TTC9B: variants seen among roughly 807,000 people sequenced by gnomAD.
TTC9B encodes the protein tetratricopeptide repeat domain 9B.
TTC9B carries 12 observed loss-of-function variants against 19.4 expected under a neutral mutation model. The ratio of observed to expected loss-of-function variants is 0.62; its 90% confidence interval spans 0.40 to 1.00. The LOEUF (loss-of-function observed/expected upper bound fraction) is 1.00. TTC9B is among the 50% of genes least tolerant of loss of function. The pLI, the probability that TTC9B is intolerant of heterozygous loss-of-function variation, is 0.00. For missense variants in TTC9B, 316 were observed against 345.2 expected, an observed-to-expected ratio of 0.92 and a Z score of 0.67; for synonymous variants, 156 against 158.6, an observed-to-expected ratio of 0.98 and a Z score of 0.12.
chr19:40,217,155 A>G (rs1385465479), intron 2 of TTC9B, 32 bp downstream of exon 2: 2 of 1,591,066 alleles, frequency 1.3e-6, no homozygotes, highest in East Asian at 4.5e-5. Context: ...CCCTGGGCCC[A>G]GCCCTCACCT....
In TTC9B at chr19:40,216,782, G is replaced by C. The variant is rs1049660130; in HGVS notation, c.610+405C>G. The C allele has an allele frequency of 1.4e-5, 5 of 348,256 alleles. No individual in the cohort carries two copies. The Admixed American group carries it at 2.1e-4, about 15-fold the overall frequency. 21.6% of individuals were successfully genotyped at this position (348,256 alleles called of 1,614,324 possible). A position where few individuals can be genotyped will look rare whatever the true frequency, so the allele number is the denominator to read the frequency against. ...CCGAGTGGATGAGTGGATGGTGCAG[G>C]AAGTGAATGAATAGGTGTGCGTGAA... On this transcript the variant is annotated intron_variant, in intron 2 of 2. Transcript: ENST00000311308.
At position 40,216,132 on chromosome 19, in the gene TTC9B, C is replaced by T. The variant is rs376081192; in HGVS notation, c.*31G>A. On this transcript the variant is annotated 3_prime_UTR_variant, in exon 3 of 3. Coordinates refer to ENST00000311308, the MANE Select transcript of TTC9B (RefSeq NM_152479.6). ...GAAGTTACATGGTGAGGTGGGAGGGCGAGGGATAGAGAGGTCCCCCTGGAT... is the reference window on the plus strand; with the variant it reads ...GAAGTTACATGGTGAGGTGGGAGGGTGAGGGATAGAGAGGTCCCCCTGGAT... The T allele has an allele frequency of 2.2e-5, 34 of 1,567,830 alleles. No individual in the cohort carries two copies. Among genetic ancestry groups the T allele is most frequent in the Non-Finnish European group, 2.9e-5 (33 of 1,138,206 alleles).
intron 1 of TTC9B, 68 bp downstream of exon 1, chr19:40,217,887 C>G: frequency 7.4e-7 from 1 of 1,354,962 alleles, no homozygotes; most frequent in Non-Finnish European, 9.7e-7. Flanking sequence ...CCCTGGCCCC[C>G]AAGTCGCCAA....
rs2145107911 is a variant in TTC9B at position 40,217,389 on chromosome 19, G to A, written c.428-20C>T. The A allele has an allele frequency of 6.2e-7, 1 of 1,606,242 alleles. No homozygotes were observed. Reference sequence around the variant, plus strand: ...GGCAAGCTGCGAGGGCCCCGCGGCCGGCACTCTCAGAGCCTGCTGGCACCC... The same window carrying A: ...GGCAAGCTGCGAGGGCCCCGCGGCCAGCACTCTCAGAGCCTGCTGGCACCC... On this transcript the variant is annotated intron_variant, in intron 1 of 2. Transcript: ENST00000311308.
At chr19:40,217,689 G>A (rs1440115506) in intron 1 of TTC9B, 9 of 509,538 alleles carry the variant, frequency 1.8e-5, no homozygotes, top group Non-Finnish European at 2.7e-5. Context: ...GTCCACGTGC[G>A]GCCAGGGGGT....
chr19:40,217,418 GA>G, intron 1 of TTC9B, 49 bp from the exon 2 acceptor site: 1 of 1,580,602 alleles, frequency 6.3e-7, no homozygotes, highest in Non-Finnish European at 8.6e-7. Context: ...GGCACCCCCA[GA>G]ACCCACCTGA....
chr19:40,217,912 C>G, intron 1 of TTC9B, 43 bp downstream of exon 1: 1 of 1,329,590 alleles, frequency 7.5e-7, no homozygotes, highest in Non-Finnish European at 9.9e-7. Flanking sequence ...TCCCGATTGC[C>G]CCCTCCCCTC....
rs987847540 is a variant in TTC9B at position 40,218,361 on chromosome 19, G to C, written c.21C>G (p.Ser7=). 3.0e-6 allele frequency: 4 copies of C among 1,341,532 alleles called. No individual in the cohort carries two copies. Among genetic ancestry groups the C allele is most frequent in the South Asian group, 1.9e-5 (1 of 52,048 alleles). The allele number at this position is 1,341,532 out of a possible 1,614,324, so 83.1% of individuals were successfully genotyped here. The change falls in exon 1 of 3, where the codon TCC becomes TCG. Residue 7 remains serine (S), a synonymous_variant. Coordinates refer to ENST00000311308, the MANE Select transcript of TTC9B (RefSeq NM_152479.6). This position sits in a 1 kb window ranked among gnomAD's most constrained non-coding sequence, Gnocchi z 4.2. ...GGGCAGCGCTGAGCATCAGCACCGG[G>C]GACAGCGCGCCGCGCTGCATTGTGG... The part of the protein sequence containing the change: MQRGAL[S]PVLMLSAAPE...
intron 1 of TTC9B, chr19:40,217,656 C>G (rs940132786): frequency 1.9e-6 from 1 of 529,678 alleles, no homozygotes; most frequent in Non-Finnish European, 3.3e-6. Flanking sequence ...GAGCCTGGCT[C>G]AGGGCAGACT....
chr19:40,217,756 C>T, intron 1 of TTC9B, 199 bp downstream of exon 1: 4 of 554,020 alleles, frequency 7.2e-6, no homozygotes, highest in Admixed American at 3.7e-5. Flanking sequence ...AGACCATTTC[C>T]TGCATCCCAG....
In TTC9B at chr19:40,218,106, C is replaced by T; in HGVS notation, c.276G>A (p.Leu92=). The change falls in exon 1 of 3, where the codon CTG becomes CTA. Residue 92 remains leucine, a synonymous_variant. Coordinates refer to ENST00000311308, the MANE Select transcript of TTC9B (RefSeq NM_152479.6). The surrounding 1 kb of genome is among the most constrained non-coding windows in gnomAD (Gnocchi z 4.2). The part of the protein sequence containing the change: ...REAIGKYHRA[L]LQLKAAQGAR... ...CCCCCTGCGCCGCCTTCAGCTGCAG[C>T]AGCGCTCGGTGGTACTTGCCGATGG... 1 of 1,566,116 alleles carries T rather than the reference C, an allele frequency of 6.4e-7. No individual in the cohort carries two copies. Among genetic ancestry groups the T allele is most frequent in the Non-Finnish European group, 8.6e-7 (1 of 1,161,556 alleles).
rs1221811695 is a variant in TTC9B, at chr19:40,216,252, T to G, written c.631A>C (p.Ile211Leu). The G allele has an allele frequency of 1.2e-6, 2 of 1,614,062 alleles. No individual in the cohort carries two copies. Among genetic ancestry groups the G allele is most frequent in the Non-Finnish European group, 1.7e-6 (2 of 1,179,974 alleles). The change falls in exon 3 of 3, where the codon ATC becomes CTC. Residue 211 changes from isoleucine to leucine, a missense_variant. Transcript: ENST00000311308. ...EPTDTNVLRY[I>L]QLTQLKMNRC... is the part of the protein sequence containing the mutation. The stretch of plus-strand genomic sequence containing the variant: ...TTCATCTTCAGCTGAGTCAGCTGGA[T>G]GTAGCGGAGCACATTGGTGTCTGCA...
rs546087322 is a variant in TTC9B, at chr19:40,217,989, C to G, written c.393G>C (p.Glu131Asp). The G allele has an allele frequency of 1.3e-6, 2 of 1,492,280 alleles. No individual in the cohort carries two copies. The highest frequency in any genetic ancestry group is 1.8e-6 in the Non-Finnish European group (2 of 1,127,490). The allele number at this position is 1,492,280 out of a possible 1,614,324, so 92.4% of individuals were successfully genotyped here. ...AGTCGTAACACTCCACCTCCGTGCT[C>G]TCCACCAGGCGCCGCTGCTCCTCGC... is the stretch of plus-strand genomic sequence containing the variant. ...RLSEEQRRLV[E>D]STEVECYDSL... Residue 131 changes from glutamate (E) to aspartate (D), a missense_variant, in exon 1 of 3, where the codon GAG (glutamate) becomes GAC (aspartate). By Grantham distance (45) the Glu-to-Asp change is conservative. Coordinates refer to ENST00000311308, the MANE Select transcript of TTC9B (RefSeq NM_152479.6).
At chr19:40,216,807 A>C (rs553183949) in intron 2 of TTC9B, 12 of 373,676 alleles carry the variant, frequency 3.2e-5, no homozygotes, top group Non-Finnish European at 5.5e-5. Flanking sequence ...GTGTGCGTGA[A>C]TGGGTGAGTG....
Position 40,216,117 on chromosome 19 carries a change from G to A in TTC9B, c.*46C>T, listed in dbSNP as rs767991838. 3 of 1,460,156 alleles carry A rather than the reference G, an allele frequency of 2.1e-6. No individual in the cohort carries two copies. Among genetic ancestry groups the A allele is most frequent in the Admixed American group, 3.3e-5 (2 of 59,722 alleles). 90.4% of individuals were successfully genotyped at this position (1,460,156 alleles called of 1,614,324 possible). A position where few individuals can be genotyped will look rare whatever the true frequency, so the allele number is the denominator to read the frequency against. ...ACACATGAGTCGGGGGAAGTTACAT[G>A]GTGAGGTGGGAGGGCGAGGGATAGA... On this transcript the variant is annotated 3_prime_UTR_variant, in exon 3 of 3. Coordinates refer to ENST00000311308, the MANE Select transcript of TTC9B (RefSeq NM_152479.6).
chr19:40,218,190 G>A lies in TTC9B; in HGVS notation c.192C>T (p.Ala64=). The change falls in exon 1 of 3, where the codon GCC becomes GCT. Residue 64 remains alanine (A), a synonymous_variant. Coordinates refer to ENST00000311308, the MANE Select transcript of TTC9B (RefSeq NM_152479.6). The surrounding 1 kb of genome is among the most constrained non-coding windows in gnomAD (Gnocchi z 4.2). ...GGCCCTCTGCCTTGAACGCCACGGC[G>A]GCACGCAGGCTGCTGTCGAGCGCCG... ...LGAALDSSLR[A]AVAFKAEGQR... The A allele has an allele frequency of 6.3e-7, 1 of 1,575,082 alleles. No homozygotes were observed. The highest frequency in any genetic ancestry group is 1.1e-5 in the South Asian group (1 of 87,194).
rs1400364735 is a variant in TTC9B at position 40,217,999 on chromosome 19, C to A, written c.383G>T (p.Arg128Leu). The change falls in exon 1 of 3, where the codon CGC becomes CTC. Residue 128 changes from arginine to leucine, a missense_variant. By Grantham distance (102) the Arg-to-Leu change is moderately radical (BLOSUM62 -2). Transcript: ENST00000311308. Reference protein sequence around the residue: ...GPARLSEEQRRLVESTEVECY... With the variant: ...GPARLSEEQRLLVESTEVECY... Reference sequence around the variant, plus strand: ...CTCCACCTCCGTGCTCTCCACCAGGCGCCGCTGCTCCTCGCTGAGGCGCGC... The same window carrying A: ...CTCCACCTCCGTGCTCTCCACCAGGAGCCGCTGCTCCTCGCTGAGGCGCGC... 40 of 1,491,900 alleles carry A rather than the reference C, an allele frequency of 2.7e-5. No homozygotes were observed. Among genetic ancestry groups the A allele is most frequent in the Non-Finnish European group, 3.5e-5 (39 of 1,126,924 alleles). 92.4% of individuals were successfully genotyped at this position (1,491,900 alleles called of 1,614,324 possible). A position where few individuals can be genotyped will look rare whatever the true frequency, so the allele number is the denominator to read the frequency against.
At chr19:40,217,770 C>A in intron 1 of TTC9B, 185 bp downstream of exon 1, 2 of 576,606 alleles carry the variant, frequency 3.5e-6, no homozygotes, top group Non-Finnish European at 5.7e-6. Flanking sequence ...ATCCCAGCTC[C>A]CTCCAGCCAC....
intron 2 of TTC9B, 116 bp from the exon 3 acceptor site, chr19:40,216,388 A>C (rs576880280): frequency 8.3e-6 from 6 of 724,318 alleles, no homozygotes; most frequent in Non-Finnish European, 1.4e-5. Flanking sequence ...TCACACAGCC[A>C]GTAGAGCCAG....
Sources: allele counts gnomAD v4.1 joint callset, GRCh38; gene constraint gnomAD v4.1.1; non-coding constraint Gnocchi (gnomAD v3.1); transcripts MANE v1.5; gene names NCBI Gene and HGNC (gene_info 2026-07-23, HGNC 2026-07-21).